MCPH1: variants seen among roughly 807,000 people sequenced by gnomAD.
The protein encoded by MCPH1 is microcephalin 1.
Under a neutral mutation model 84.5 loss-of-function variants are expected in MCPH1, and 104 were observed. The ratio of observed to expected loss-of-function variants is 1.23; its 90% CI spans 1.05 to 1.45. The LOEUF (loss-of-function observed/expected upper bound fraction) is 1.45, where lower values mean the gene tolerates loss of function less well. Ranked by LOEUF, MCPH1 falls within the 40% of genes most tolerant of loss-of-function variation. MCPH1 has a pLI of 0.00. For missense variants in MCPH1, 1,498 were observed against 1,005.7 expected (o/e 1.49, Z -6.62); for synonymous variants, 514 against 366.8 (o/e 1.40, Z -4.58).
At chr8:6,458,399 G>T (rs1027698899) in intron 9 of MCPH1, among the ~76,000 whole-genome samples, 12 of 151,366 alleles carry the variant, frequency 7.9e-5, no homozygotes, top group African/African-American at 2.9e-4. Flanking sequence ...ATGAACCCGG[G>T]AGGCGGAGAT....
chr8:6,501,457 T>C (rs905723539), intron 12 of MCPH1: 1 of 152,152 alleles, frequency 6.6e-6, no homozygotes, highest in Non-Finnish European at 1.5e-5. Flanking sequence ...TTAGTATTAA[T>C]TGTACTATGA....
At chr8:6,417,340 T>TTGTGG (rs999147470) in intron 3 of MCPH1, among the ~76,000 whole-genome samples, 1 of 152,206 alleles carries the variant, frequency 6.6e-6, no homozygotes, top group African/African-American at 2.4e-5. Context: ...CTCAGCTCTC[T>TTGTGG]TGTGGTGTGA....
At chr8:6,603,710 A>G (rs192199875) in intron 12 of MCPH1, among the ~76,000 whole-genome samples, 5 of 152,292 alleles carry the variant, frequency 3.3e-5, no homozygotes, top group African/African-American at 1.2e-4. Flanking sequence ...AAATAATCAG[A>G]AAGTAGGTTG....
chr8:6,457,752 C>T (rs758967600), intron 9 of MCPH1, among the ~76,000 whole-genome samples: 1 of 152,162 alleles, frequency 6.6e-6, no homozygotes, highest in Non-Finnish European at 1.5e-5. Context: ...TATTGCGTCT[C>T]GCCAATAGCA....
chr8:6,495,598 T>C (rs190066542), intron 11 of MCPH1, among the ~76,000 whole-genome samples: 1 of 152,364 alleles, frequency 6.6e-6, no homozygotes, highest in Non-Finnish European at 1.5e-5. Context: ...TTTTGTCAGC[T>C]TAAATTAGTA....
intron 13 of MCPH1, chr8:6,642,695 AC>A (rs1386322377): frequency 4.3e-6 from 2 of 467,164 alleles, no homozygotes; most frequent in Non-Finnish European, 3.9e-6. Context: ...CAAGCTTCCC[AC>A]CCTGCCCACT....
chr8:6,566,466 G>T (rs7832816), intron 12 of MCPH1, among the ~76,000 whole-genome samples: 1 of 152,188 alleles, frequency 6.6e-6, no homozygotes, highest in Non-Finnish European at 1.5e-5. Flanking sequence ...GACACTGTAC[G>T]CCGTGCAGCG....
chr8:6,500,243 G>T, intron 12 of MCPH1: 1 of 358,304 alleles, frequency 2.8e-6, no homozygotes, highest in Non-Finnish European at 5.3e-6. Flanking sequence ...CTTGCTTAAT[G>T]TTTTTACTGT....
intron 12 of MCPH1, among the ~76,000 whole-genome samples, chr8:6,566,693 A>C (rs1437145926): frequency 1.4e-3 from 152 of 104,854 alleles, no homozygotes; most frequent in Middle Eastern, 8.3e-3. Flanking sequence ...ATGGATAGTG[A>C]ACGTGGTGCG....
chr8:6,427,314 A>G (rs761455320), intron 3 of MCPH1, among the ~76,000 whole-genome samples: 4 of 152,180 alleles, frequency 2.6e-5, no homozygotes, highest in Non-Finnish European at 4.4e-5. Context: ...GACTTTATAC[A>G]CGTCATACAG....
intron 11 of MCPH1, among the ~76,000 whole-genome samples, chr8:6,485,997 A>G (rs1809858813): frequency 6.6e-6 from 1 of 152,186 alleles, no homozygotes; most frequent in Non-Finnish European, 1.5e-5. Flanking sequence ...GAAGACAAAG[A>G]TGACTGCTGC....
In MCPH1 at chr8:6,461,325, C is replaced by CTTTT. The variant is rs11419705; in HGVS notation, c.1935+6088_1935+6091dup. Among the ~76,000 whole-genome samples, 991 of 110,952 alleles carry CTTTT rather than the reference C, an allele frequency of 8.9e-3. 64 individuals carry two copies. The highest frequency in any genetic ancestry group is 0.035 in the African/African-American group (944 of 27,156). 72.8% of individuals were successfully genotyped at this position (110,952 alleles called of 152,430 possible). On this transcript the variant is annotated intron_variant, in intron 9 of 13. Transcript: ENST00000344683. ...TATACTTGTTTCAAATTTGTTGAGA[C>CTTTT]TTTTTTTTTTTTTTTTTTGAGATGG...
intron 12 of MCPH1, among the ~76,000 whole-genome samples, chr8:6,603,478 T>C (rs1348936501): frequency 3.3e-5 from 5 of 152,228 alleles, no homozygotes; most frequent in Non-Finnish European, 5.9e-5. Context: ...GTTAAACACA[T>C]ACCCTTTGCT....
At chr8:6,479,287 A>G (rs1298966250) in intron 10 of MCPH1, among the ~76,000 whole-genome samples, 1 of 152,026 alleles carries the variant, frequency 6.6e-6, no homozygotes, top group African/African-American at 2.4e-5. Flanking sequence ...AATAAAACTA[A>G]GGAACACCAT....
intron 12 of MCPH1, among the ~76,000 whole-genome samples, chr8:6,592,926 C>T (rs754961372): frequency 6.6e-6 from 1 of 151,476 alleles, no homozygotes; most frequent in Non-Finnish European, 1.5e-5. Context: ...CTTGTCCTCC[C>T]AAAGTGCTGG....
chr8:6,514,781 G>A lies in MCPH1; in HGVS notation c.2214+14852G>A, dbSNP rs775975956. 5 of 1,613,492 alleles carry A rather than the reference G, an allele frequency of 3.1e-6. No individual in the cohort carries two copies. In the African/African-American group the frequency reaches 6.7e-5, roughly 22 times the overall value. On this transcript the variant is annotated intron_variant, in intron 12 of 13. Coordinates refer to ENST00000344683, the MANE Select transcript of MCPH1 (RefSeq NM_024596.5). ...CCAGCTTCCATGTCACAGTAGGCCT[G>A]CAAACAGGAATGCAGGGTATAAGTG...
At chr8:6,636,682 A>G (rs955001518) in intron 13 of MCPH1, among the ~76,000 whole-genome samples, 1 of 152,190 alleles carries the variant, frequency 6.6e-6, no homozygotes, top group African/African-American at 2.4e-5. Context: ...AAAATACTGT[A>G]TAAAATTACC....
intron 12 of MCPH1, among the ~76,000 whole-genome samples, chr8:6,531,579 A>C (rs904195771): frequency 1.3e-5 from 2 of 152,144 alleles, no homozygotes; most frequent in African/African-American, 4.8e-5. Flanking sequence ...GGCGTGAGCT[A>C]CTGCGCCTGG....
chr8:6,576,498 T>TTCCCCTTC (rs1554462020), intron 12 of MCPH1, among the ~76,000 whole-genome samples: 457 of 139,824 alleles, frequency 3.3e-3, no homozygotes, highest in Non-Finnish European at 5.8e-3. Flanking sequence ...CTTTTCCCTT[T>TTCCCCTTC]CCCTTCCCCT....
Sources: gnomAD v4.1 joint callset for allele counts (sites outside exome capture counted in the v4.1 genomes callset) on GRCh38, gnomAD v4.1.1 for gene constraint, MANE v1.5 for transcripts, NCBI Gene and HGNC (gene_info 2026-07-23, HGNC 2026-07-21) for gene names.